The following TENM1 variants were observed in gnomAD, a reference collection of about 807,000 sequenced individuals.
The protein encoded by TENM1 is teneurin transmembrane protein 1, also known as teneurin-1.
A neutral mutation model predicts 174.8 loss-of-function variants in TENM1; 35 were observed. The ratio of observed to expected loss-of-function variants is 0.20; its 90% CI spans 0.15 to 0.27. The LOEUF is 0.27. Ranked by LOEUF, TENM1 falls within the 10% of genes least tolerant of loss-of-function variation. The pLI is 1.00. For synonymous variants in TENM1, 781 were observed against 798.7 expected (o/e 0.98, Z 0.37); for missense variants, 1,633 against 2,130.1 (o/e 0.77, Z 4.59).
chrX:125,044,223 TAA>T, the TENM1 span, among the ~76,000 whole-genome samples: 1 of 75,359 alleles, frequency 1.3e-5, no homozygotes, highest in African/African-American at 5.0e-5. Flanking sequence ...AAAAAAAAAA[TAA>T]AAAAAAAAGA....
Position 124,395,602 on chromosome X carries a change from T to C in TENM1, c.5392-3254A>G, listed in dbSNP as rs1048400868. 2.3e-4 allele frequency among the ~76,000 whole-genome samples: 26 copies of C among 111,809 alleles called. 1 individual carries two copies. Among genetic ancestry groups the C allele is most frequent in the African/African-American group, 8.2e-4 (25 of 30,674 alleles). On this transcript the variant is annotated intron_variant, in intron 27 of 31. Transcript: ENST00000422452. ...CTTTATACCATCTGTGGCCAATGCA[T>C]GCAGTGTTGTCTTGCATACATATAC...
At position 124,382,802 on chromosome X, in the gene TENM1, A is replaced by G. The variant is rs1012199778; in HGVS notation, c.7308T>C (p.Ser2436=). 6.7e-6 allele frequency: 8 copies of G among 1,195,267 alleles called. No individual in the cohort carries two copies. The Admixed American group carries it at 1.6e-4, about 24-fold the overall frequency. The stretch of plus-strand genomic sequence containing the variant: ...ATTGGAAACCAAATAGCTCCAACCA[A>G]CTTCTGATGTCTGTGAGACACAATA... The change falls in exon 31 of 32, where the codon AGT becomes AGC. Residue 2436 remains serine, a synonymous_variant. Coordinates refer to ENST00000422452, the Ensembl canonical transcript of TENM1.
chrX:124,418,968 T>C (rs1032765872), intron 25 of TENM1, among the ~76,000 whole-genome samples: 1 of 111,997 alleles, frequency 8.9e-6, no homozygotes, highest in Non-Finnish European at 1.9e-5. Flanking sequence ...AGTTTTCTCA[T>C]CCATAAAGTG....
chrX:125,201,580 T>G, the TENM1 span, among the ~76,000 whole-genome samples: 3 of 112,253 alleles, frequency 2.7e-5, no homozygotes, highest in African/African-American at 3.2e-5. Context: ...ACTAGTTTTA[T>G]TATGAAAATG....
In TENM1 at chrX:124,490,790, T is replaced by C. The variant is rs192404807; in HGVS notation, c.3696-3561A>G. Among the ~76,000 whole-genome samples, 248 of 112,120 alleles carry C rather than the reference T, an allele frequency of 2.2e-3. 1 individual carries two copies. Among genetic ancestry groups the C allele is most frequent in the Middle Eastern group, 0.014 (3 of 217 alleles). On this transcript the variant is annotated intron_variant, in intron 20 of 31. Transcript: ENST00000422452. The stretch of plus-strand genomic sequence containing the variant: ...TCATTTCCAGTCATGCTTAATGAGT[T>C]TTCTAATAGAGTTGTGAAATTAGAA...
intron 4 of TENM1, among the ~76,000 whole-genome samples, chrX:124,732,320 A>C (rs2053582857): frequency 8.9e-6 from 1 of 111,978 alleles, no homozygotes; most frequent in African/African-American, 3.2e-5. Flanking sequence ...GACAGCATTA[A>C]CGAAAATACA....
rs2060198986 is a variant in TENM1 at position 124,384,714 on chromosome X, G to A, written c.6217C>T (p.Arg2073Ter). 1 of 1,210,853 alleles carries A rather than the reference G, an allele frequency of 8.3e-7. No homozygotes were observed. The highest frequency in any genetic ancestry group is 1.1e-6 in the Non-Finnish European group (1 of 894,880). The change falls in exon 30 of 32, where the codon CGA becomes TGA. Residue 2073 changes from arginine (R) to a stop codon, truncating the protein, a stop_gained. Coordinates refer to ENST00000422452, the Ensembl canonical transcript of TENM1. LOFTEE classifies it high-confidence loss of function. Reference sequence around the variant, plus strand: ...GTTCTGCCAGAGACATCAACATATCGGTAAAGATCTATAGGCAAAGGGGTT... The same window carrying A: ...GTTCTGCCAGAGACATCAACATATCAGTAAAGATCTATAGGCAAAGGGGTT...
At chrX:124,942,876 G>C (rs1260972563) in intron 1 of TENM1, among the ~76,000 whole-genome samples, 1 of 111,351 alleles carries the variant, frequency 9.0e-6, no homozygotes, top group East Asian at 2.8e-4. Flanking sequence ...CTTCAAATGA[G>C]GAATTATAAA....
chrX:124,462,962 A>G (rs779255022), intron 22 of TENM1, among the ~76,000 whole-genome samples: 4 of 111,733 alleles, frequency 3.6e-5, no homozygotes, highest in Non-Finnish European at 7.5e-5. Context: ...TGATTGGAAT[A>G]TGGGAAAAGT....
chrX:124,797,690 T>A (rs890242593), intron 3 of TENM1, among the ~76,000 whole-genome samples: 7 of 110,920 alleles, frequency 6.3e-5, no homozygotes, highest in Non-Finnish European at 1.1e-4. Context: ...TTTTTTTTTT[T>A]TTAATTTTAC....
chrX:124,604,944 C>CTTTTT (rs2050116112), intron 11 of TENM1, among the ~76,000 whole-genome samples: 1 of 107,263 alleles, frequency 9.3e-6, no homozygotes, highest in Non-Finnish European at 1.9e-5. Context: ...TATTTTTTTT[C>CTTTTT]TCTCTCCTCT....
intron 27 of TENM1, among the ~76,000 whole-genome samples, chrX:124,401,465 G>T (rs190095478): frequency 4.5e-4 from 51 of 112,126 alleles, no homozygotes; most frequent in Non-Finnish European, 8.6e-4. Flanking sequence ...AGTCTGAAAT[G>T]ACAGCTTCAC....
At chrX:124,716,658 T>A (rs951323689) in intron 4 of TENM1, among the ~76,000 whole-genome samples, 4 of 112,109 alleles carry the variant, frequency 3.6e-5, no homozygotes, top group African/African-American at 1.3e-4. Flanking sequence ...CCACACCTGT[T>A]AACATCAAAA....
intron 11 of TENM1, among the ~76,000 whole-genome samples, chrX:124,630,484 A>G (rs1178207234): frequency 1.8e-5 from 2 of 112,248 alleles, no homozygotes; most frequent in African/African-American, 3.2e-5. Flanking sequence ...ACTGGAACTT[A>G]AGTTGTTTTA....
At chrX:124,409,348 AAATT>A (rs1211973108) in intron 25 of TENM1, among the ~76,000 whole-genome samples, 8 of 110,147 alleles carry the variant, frequency 7.3e-5, no homozygotes, top group African/African-American at 2.7e-4. Flanking sequence ...AACTCTCAAT[AAATT>A]AGGTATTGAT....
intron 11 of TENM1, among the ~76,000 whole-genome samples, chrX:124,625,741 C>A (rs2050621642): frequency 9.1e-6 from 1 of 110,477 alleles, no homozygotes. Flanking sequence ...AGGCTGCACA[C>A]TTTTAAACAA....
At chrX:124,558,299 T>C (rs1481625735) in intron 14 of TENM1, among the ~76,000 whole-genome samples, 1 of 111,514 alleles carries the variant, frequency 9.0e-6, no homozygotes, top group Non-Finnish European at 1.9e-5. Context: ...TATTCAAAGC[T>C]GATTAGAATG....
the TENM1 span, among the ~76,000 whole-genome samples, chrX:125,088,917 CA>C: frequency 9.0e-6 from 1 of 111,263 alleles, no homozygotes; most frequent in East Asian, 2.8e-4. Flanking sequence ...ATCATAGCTT[CA>C]AAAATACCTA....
intron 7 of TENM1, among the ~76,000 whole-genome samples, chrX:124,652,719 T>C (rs1369979506): frequency 8.9e-6 from 1 of 111,975 alleles, no homozygotes; most frequent in Non-Finnish European, 1.9e-5. Flanking sequence ...TTCATCATAA[T>C]TTACTACGTT....
Sources: gnomAD v4.1 joint callset for allele counts (sites outside exome capture counted in the v4.1 genomes callset) on GRCh38, gnomAD v4.1.1 for gene constraint, MANE v1.5 for transcripts, NCBI Gene and HGNC (gene_info 2026-07-23, HGNC 2026-07-21) for gene names.